KLHL25: variants seen among roughly 807,000 people sequenced by gnomAD.
KLHL25 encodes the protein kelch like family member 25.
Under a neutral mutation model 30.0 loss-of-function variants are expected in KLHL25, and 41 were observed. The observed-to-expected ratio is 1.37, with a 90% confidence interval of 1.07 to 1.78. The LOEUF is 1.78. Ranked by LOEUF, KLHL25 falls within the 40% of genes most tolerant of loss-of-function variation. KLHL25 has a pLI of 0.00. For missense variants in KLHL25, 971 were observed against 824.5 expected, an observed-to-expected ratio of 1.18 and a Z score of -2.18; for synonymous variants, 399 against 355.3, an observed-to-expected ratio of 1.12 and a Z score of -1.38.
rs1466109171 is a variant in KLHL25 at position 85,760,218 on chromosome 15, GGT to G, written c.*816_*817del. On this transcript the variant is annotated 3_prime_UTR_variant, in exon 3 of 3. Coordinates refer to ENST00000337975, the MANE Select transcript of KLHL25 (RefSeq NM_022480.4). ...GGAGAAGCCCCCAGTGCTGTTGGCA[GGT>G]GTGTGCCATGGGGGTCACTGCTGCC... The G allele has an allele frequency of 1.3e-5, 2 of 152,270 alleles. No homozygotes were observed. The highest frequency in any genetic ancestry group is 2.9e-5 in the Non-Finnish European group (2 of 68,072). The allele number at this position is 152,270 out of a possible 1,614,324, so 9.4% of individuals were successfully genotyped here.
chr15:85,776,494 C>G (rs2089710033), intron 1 of KLHL25, among the ~76,000 whole-genome samples: 1 of 151,666 alleles, frequency 6.6e-6, no homozygotes. Flanking sequence ...CTCAATCAAT[C>G]AATCAATAGC....
chr15:85,767,687 A>AC (rs1043223544), intron 2 of KLHL25, among the ~76,000 whole-genome samples: 27 of 152,184 alleles, frequency 1.8e-4, no homozygotes, highest in African/African-American at 6.5e-4. Flanking sequence ...TGGAGACTGC[A>AC]CCCTCAGACT....
intron 2 of KLHL25, among the ~76,000 whole-genome samples, chr15:85,766,065 G>A (rs2089622715): frequency 6.6e-6 from 1 of 152,194 alleles, no homozygotes; most frequent in Non-Finnish European, 1.5e-5. Flanking sequence ...AAGAATGACT[G>A]CCTTCACTGG....
At chr15:85,770,734 C>T (rs2089665680) in intron 1 of KLHL25, among the ~76,000 whole-genome samples, 1 of 152,212 alleles carries the variant, frequency 6.6e-6, no homozygotes, top group Non-Finnish European at 1.5e-5. Flanking sequence ...CCCAGGTCCC[C>T]CAGCTGACGC....
At chr15:85,785,445 G>C (rs928197871) in intron 1 of KLHL25, among the ~76,000 whole-genome samples, 20 of 152,282 alleles carry the variant, frequency 1.3e-4, no homozygotes, top group African/African-American at 4.1e-4. Context: ...GTATAGAGCA[G>C]GTTCTCAATT....
Position 85,768,626 on chromosome 15 carries a change from TC to T in KLHL25, c.1184del (p.Gly395AspfsTer17). 2 of 1,612,070 alleles carry T rather than the reference TC, an allele frequency of 1.2e-6. No homozygotes were observed. Among genetic ancestry groups the T allele is most frequent in the Non-Finnish European group, 1.7e-6 (2 of 1,178,814 alleles). On this transcript the variant is annotated frameshift_variant, in exon 2 of 3. Coordinates refer to ENST00000337975, the MANE Select transcript of KLHL25 (RefSeq NM_022480.4). LOFTEE classifies it high-confidence loss of function. ...ELENCLYVVG[G>X]HTSLAGVFPA... Reference sequence around the variant, plus strand: ...GGAAGACCCCTGCCAGGGATGTGTGTCCCCCCACCACATAGAGGCAGTTCTC... The same window carrying T: ...GGAAGACCCCTGCCAGGGATGTGTGTCCCCCACCACATAGAGGCAGTTCTC...
At chr15:85,783,817 C>A (rs556378410) in intron 1 of KLHL25, among the ~76,000 whole-genome samples, 1 of 152,150 alleles carries the variant, frequency 6.6e-6, no homozygotes, top group African/African-American at 2.4e-5. Flanking sequence ...GGGCAGCCTA[C>A]CAGGAAGGTT....
intron 1 of KLHL25, among the ~76,000 whole-genome samples, chr15:85,779,319 G>T (rs76587220): frequency 0.092 from 13,993 of 152,218 alleles, 706 homozygotes; most frequent in Non-Finnish European, 0.11. Context: ...AGACAGAAAA[G>T]ACACTAATGC....
At chr15:85,791,772 T>A (rs2089819023) in intron 1 of KLHL25, among the ~76,000 whole-genome samples, 1 of 152,234 alleles carries the variant, frequency 6.6e-6, no homozygotes, top group East Asian at 1.9e-4. Flanking sequence ...CCAGACCCCA[T>A]TCTAGGGGAT....
chr15:85,778,711 A>G (rs1339269513), intron 1 of KLHL25, among the ~76,000 whole-genome samples: 1 of 152,200 alleles, frequency 6.6e-6, no homozygotes, highest in African/African-American at 2.4e-5. Context: ...TTTGCTGAGC[A>G]CCAAAGGGGA....
At chr15:85,769,878 A>C in intron 1 of KLHL25, 58 bp from the exon 2 acceptor site, 11 of 1,394,214 alleles carry the variant, frequency 7.9e-6, no homozygotes, top group Non-Finnish European at 1.1e-5. Flanking sequence ...CTGCCCTCTC[A>C]GGGCTCACTC....
At chr15:85,767,871 T>A in intron 2 of KLHL25, 146 bp downstream of exon 2, 1 of 585,132 alleles carries the variant, frequency 1.7e-6, no homozygotes, top group Non-Finnish European at 3.0e-6. Flanking sequence ...AGAGCCAGGA[T>A]TTGACTCCAG....
chr15:85,764,361 G>A (rs932383323), intron 2 of KLHL25: 1 of 152,664 alleles, frequency 6.6e-6, no homozygotes, highest in Non-Finnish European at 1.5e-5. Context: ...GGGCTGCGCG[G>A]AGGGTCTCTG....
Position 85,776,186 on chromosome 15 carries a change from AG to A in KLHL25, c.-10-6367del, listed in dbSNP as rs71468138. Among the ~76,000 whole-genome samples, 139 of 143,626 alleles carry A rather than the reference AG, an allele frequency of 9.7e-4. 1 individual carries two copies. In the South Asian group the frequency reaches 0.022, roughly 22 times the overall value. The allele number at this position is 143,626 out of a possible 152,430, so 94.2% of individuals were successfully genotyped here. ...AGACTCTGTCTCAAAAAAAAAAAAA[AG>A]AAAGAAAGAAAGAAATGCAGGCAGG... On this transcript the variant is annotated intron_variant, in intron 1 of 2. Transcript: ENST00000337975.
chr15:85,771,339 A>G (rs561796614), intron 1 of KLHL25, among the ~76,000 whole-genome samples: 2 of 152,288 alleles, frequency 1.3e-5, no homozygotes, highest in East Asian at 1.9e-4. Flanking sequence ...CCTAAACAAC[A>G]AAGTTTTTCA....
chr15:85,794,211 G>A (rs1164042865), intron 1 of KLHL25, among the ~76,000 whole-genome samples: 1 of 152,192 alleles, frequency 6.6e-6, no homozygotes, highest in Admixed American at 6.5e-5. Context: ...CCGCTGGACA[G>A]TTCTGCAAAC....
In KLHL25 at chr15:85,789,346, T is replaced by A. The variant is rs2089801314; in HGVS notation, c.-11+5420A>T. Among the ~76,000 whole-genome samples, 1 of 150,998 alleles carries A rather than the reference T, an allele frequency of 6.6e-6. No homozygotes were observed. The highest frequency in any genetic ancestry group is 2.4e-5 in the African/African-American group (1 of 41,162). ...TCCAACTGGTCTTGCAGGCTGGTGC[T>A]CAGTCGCCTCCTCCTGCCCTGCTGG... On this transcript the variant is annotated intron_variant, in intron 1 of 2. Transcript: ENST00000337975. This position sits in a 1 kb window ranked among gnomAD's most constrained non-coding sequence, Gnocchi z 4.1.
intron 1 of KLHL25, among the ~76,000 whole-genome samples, chr15:85,773,213 C>G (rs961713344): frequency 6.6e-6 from 1 of 152,130 alleles, no homozygotes; most frequent in African/African-American, 2.4e-5. Context: ...CAGATCCCGG[C>G]ACAGAGGTCA....
At chr15:85,784,338 G>C (rs891459138) in intron 1 of KLHL25, among the ~76,000 whole-genome samples, 1 of 152,146 alleles carries the variant, frequency 6.6e-6, no homozygotes, top group Non-Finnish European at 1.5e-5. Context: ...AGACCAGCCT[G>C]GCCAACATGA....
Sources: allele counts gnomAD v4.1 joint callset (sites outside exome capture counted in the v4.1 genomes callset), GRCh38; gene constraint gnomAD v4.1.1; non-coding constraint Gnocchi (gnomAD v3.1); transcripts MANE v1.5; gene names NCBI Gene and HGNC (gene_info 2026-07-23, HGNC 2026-07-21).